Variants in NRXN3 observed in about 807,000 individuals in gnomAD.
NRXN3 encodes neurexin 3.
Under a neutral mutation model 137.6 loss-of-function variants are expected in NRXN3, and 32 were observed. The observed-to-expected ratio is 0.23, with a 90% CI of 0.18 to 0.31. NRXN3 has a LOEUF of 0.31. Among genes scored for constraint, NRXN3 ranks in the 10% least tolerant of loss-of-function variants. The probability of loss-of-function intolerance (pLI) is 1.00; values close to 1 mark genes in which losing one functional copy is unlikely to be tolerated. For missense variants in NRXN3, 1,574 were observed against 2,062.5 expected (o/e 0.76, Z 4.59); for synonymous variants, 798 against 784.5 (o/e 1.02, Z -0.29).
chr14:78,981,653 T>C (rs913115266), intron 14 of NRXN3, among the ~76,000 whole-genome samples: 1 of 152,218 alleles, frequency 6.6e-6, no homozygotes, highest in Admixed American at 6.5e-5. Context: ...ATTGAATTAA[T>C]ATCTTAAAAG....
At position 78,175,511 on chromosome 14, in the gene NRXN3, A is replaced by G. The variant is rs1195994202; in HGVS notation, c.-704+4837A>G. Among the ~76,000 whole-genome samples the G allele has an allele frequency of 2.0e-5, 3 of 152,078 alleles. No homozygotes were observed. The East Asian group carries it at 5.8e-4, about 30-fold the overall frequency. ...GGCCCGTGGTCGGCTGTGGTCTGGG[A>G]CCTGCTGTGGTCCGGTTCCTGCTGT... On this transcript the variant is annotated intron_variant, in intron 1 of 20. Coordinates refer to ENST00000335750, the MANE Select transcript of NRXN3 (RefSeq NM_001330195.2).
At chr14:78,407,932 A>G (rs912502710) in intron 4 of NRXN3, among the ~76,000 whole-genome samples, 2 of 152,200 alleles carry the variant, frequency 1.3e-5, no homozygotes, top group Non-Finnish European at 2.9e-5. Context: ...ATAGCATTTG[A>G]ACAAATGCAG....
chr14:79,803,799 C>A (rs2099191126), intron 19 of NRXN3, among the ~76,000 whole-genome samples: 1 of 151,728 alleles, frequency 6.6e-6, no homozygotes, highest in Non-Finnish European at 1.5e-5. Flanking sequence ...CTCACTTAAC[C>A]TAACTGCAAT....
chr14:78,183,703 G>A (rs972054225), intron 1 of NRXN3, among the ~76,000 whole-genome samples: 27 of 152,318 alleles, frequency 1.8e-4, no homozygotes, highest in African/African-American at 6.3e-4. Context: ...TGAAGGGCTG[G>A]TTCTGGCAAG....
chr14:78,566,376 G>T (rs2096835650), intron 4 of NRXN3, among the ~76,000 whole-genome samples: 1 of 139,798 alleles, frequency 7.2e-6, no homozygotes. Flanking sequence ...AGACTAAAAT[G>T]TTGGTTTTTT....
chr14:78,700,271 C>G (rs868434176), intron 6 of NRXN3, among the ~76,000 whole-genome samples: 1 of 152,082 alleles, frequency 6.6e-6, no homozygotes. Context: ...TTGGCTTTTG[C>G]GTTAGAGGAT....
intron 15 of NRXN3, among the ~76,000 whole-genome samples, chr14:79,273,209 A>AG (rs2079672250): frequency 1.2e-5 from 1 of 81,212 alleles, no homozygotes; most frequent in Non-Finnish European, 2.4e-5. Flanking sequence ...AATGGGTGGG[A>AG]GGGAGGGTGT....
At chr14:78,681,990 C>T (rs1014799500) in intron 6 of NRXN3, among the ~76,000 whole-genome samples, 8 of 152,074 alleles carry the variant, frequency 5.3e-5, no homozygotes, top group Non-Finnish European at 1.0e-4. Flanking sequence ...GCCTCAGCCT[C>T]TCCAGTAGCA....
intron 15 of NRXN3, among the ~76,000 whole-genome samples, chr14:79,434,720 G>A (rs1186312512): frequency 6.6e-6 from 1 of 152,208 alleles, no homozygotes; most frequent in Non-Finnish European, 1.5e-5. Context: ...CTGTGAAACA[G>A]TTTCTGAATG....
intron 16 of NRXN3, among the ~76,000 whole-genome samples, chr14:79,640,813 C>G (rs2098428583): frequency 7.4e-6 from 1 of 135,010 alleles, no homozygotes; most frequent in African/African-American, 2.5e-5. Flanking sequence ...GTAAAGGAAA[C>G]AAAAATAATT....
At chr14:78,723,204 G>A (rs771505386) in intron 8 of NRXN3, among the ~76,000 whole-genome samples, 5 of 152,160 alleles carry the variant, frequency 3.3e-5, no homozygotes, top group Non-Finnish European at 7.3e-5. Context: ...AAGATAAATT[G>A]AATACAGAAG....
chr14:79,373,730 G>T (rs1029251308), intron 15 of NRXN3, among the ~76,000 whole-genome samples: 3 of 152,052 alleles, frequency 2.0e-5, no homozygotes, highest in Non-Finnish European at 4.4e-5. Flanking sequence ...TTTTTATATT[G>T]CTCTTGCCAG....
At chr14:79,005,802 G>T (rs2099551315) in intron 15 of NRXN3, among the ~76,000 whole-genome samples, 3 of 151,686 alleles carry the variant, frequency 2.0e-5, no homozygotes, top group Non-Finnish European at 2.9e-5. Flanking sequence ...ATTTGAACCA[G>T]GACTATGTGA....
chr14:79,510,358 G>T lies in NRXN3; in HGVS notation c.3444+42956G>T, dbSNP rs191456697. ...GGAATTGGATACAGCTAACAGCAGG[G>T]GAATTGATAGGCTCATGAAAAGAGC... is the stretch of plus-strand genomic sequence containing the variant. On this transcript the variant is annotated intron_variant, in intron 16 of 20. Transcript: ENST00000335750. Among the ~76,000 whole-genome samples, 20 of 152,242 alleles carry T rather than the reference G, an allele frequency of 1.3e-4. No homozygotes were observed. In the East Asian group the frequency reaches 3.9e-3, roughly 29 times the overall value.
At chr14:78,538,417 C>T (rs1334886179) in intron 4 of NRXN3, among the ~76,000 whole-genome samples, 1 of 152,142 alleles carries the variant, frequency 6.6e-6, no homozygotes. Context: ...CTCAGTTTGT[C>T]TGTTAATGGT....
chr14:78,199,308 T>TC (rs1033202899), intron 1 of NRXN3, among the ~76,000 whole-genome samples: 4 of 150,510 alleles, frequency 2.7e-5, no homozygotes, highest in Non-Finnish European at 4.4e-5. Context: ...GAGACACCCC[T>TC]CCCCCCCCAC....
chr14:78,704,160 A>G (rs761255089), intron 6 of NRXN3, among the ~76,000 whole-genome samples: 10 of 152,214 alleles, frequency 6.6e-5, no homozygotes, highest in Non-Finnish European at 1.2e-4. Context: ...CTGCCTTCTA[A>G]CTCAAATACC....
intron 4 of NRXN3, among the ~76,000 whole-genome samples, chr14:78,604,189 A>G (rs1781147472): frequency 6.6e-6 from 1 of 152,154 alleles, no homozygotes; most frequent in South Asian, 2.1e-4. Context: ...TCCATAATTC[A>G]ATTATCTCCT....
intron 10 of NRXN3, among the ~76,000 whole-genome samples, chr14:78,861,359 C>T (rs1285855534): frequency 1.3e-5 from 2 of 152,082 alleles, no homozygotes; most frequent in East Asian, 3.8e-4. Context: ...CATTGACAAA[C>T]ATTTAAGCAT....
Sources: allele counts gnomAD v4.1 joint callset (sites outside exome capture counted in the v4.1 genomes callset), GRCh38; gene constraint gnomAD v4.1.1; transcripts MANE v1.5; gene names NCBI Gene and HGNC (gene_info 2026-07-23, HGNC 2026-07-21).